The following SGCZ variants were observed in gnomAD, a reference collection of about 807,000 sequenced individuals.
The protein encoded by SGCZ is zeta-sarcoglycan.
SGCZ carries 40 observed loss-of-function variants against 41.3 expected under a neutral mutation model. The ratio of observed to expected loss-of-function variants is 0.97; its 90% CI spans 0.75 to 1.26. SGCZ has a LOEUF of 1.26. SGCZ is among the 50% of genes most tolerant of loss of function. The probability of loss-of-function intolerance (pLI) is 0.00; values close to 1 mark genes in which losing one functional copy is unlikely to be tolerated. For synonymous variants in SGCZ, 206 were observed against 137.5 expected, an observed-to-expected ratio of 1.50 and a Z score of -3.49; for missense variants, 552 against 369.8, an observed-to-expected ratio of 1.49 and a Z score of -4.04.
intron 1 of SGCZ, among the ~76,000 whole-genome samples, chr8:15,200,445 C>T (rs1200712887): frequency 1.3e-5 from 2 of 152,200 alleles, no homozygotes; most frequent in East Asian, 1.9e-4. Context: ...TAAAAGTAGA[C>T]GTGGCTGAGC....
chr8:14,692,305 T>C (rs1585186538), intron 1 of SGCZ, among the ~76,000 whole-genome samples: 1 of 152,050 alleles, frequency 6.6e-6, no homozygotes, highest in East Asian at 1.9e-4. Context: ...AGCATAATTA[T>C]AGATATTGTT....
intron 1 of SGCZ, among the ~76,000 whole-genome samples, chr8:15,138,236 C>T (rs1344873883): frequency 6.6e-6 from 1 of 152,168 alleles, no homozygotes; most frequent in Non-Finnish European, 1.5e-5. Context: ...GCCTGTACTT[C>T]CATTGTATCT....
intron 1 of SGCZ, among the ~76,000 whole-genome samples, chr8:14,640,505 A>G (rs1563172153): frequency 6.6e-6 from 1 of 151,618 alleles, no homozygotes; most frequent in Non-Finnish European, 1.5e-5. Context: ...TTCTTTTTTC[A>G]TCAGTTTCAC....
At chr8:14,443,003 T>C (rs935541216) in intron 2 of SGCZ, among the ~76,000 whole-genome samples, 2 of 152,124 alleles carry the variant, frequency 1.3e-5, no homozygotes, top group East Asian at 1.9e-4. Flanking sequence ...ACAAGCATTC[T>C]TATAAACCAA....
chr8:14,600,025 A>G lies in SGCZ; in HGVS notation c.40-45099T>C, dbSNP rs1012575384. On this transcript the variant is annotated intron_variant, in intron 1 of 7. Transcript: ENST00000382080. The stretch of plus-strand genomic sequence containing the variant: ...CAAACTTCATTCCTATGAGGTCTTT[A>G]TCCTCAGCAAGGAAGCAAAGCTATT... 2.0e-5 allele frequency among the ~76,000 whole-genome samples: 3 copies of G among 152,304 alleles called. No homozygotes were observed. In the East Asian group the frequency reaches 5.8e-4, roughly 29 times the overall value.
intron 1 of SGCZ, among the ~76,000 whole-genome samples, chr8:15,097,894 A>ATATATATATATACACGTGTGTG (rs1563124167): frequency 2.4e-5 from 3 of 123,850 alleles, no homozygotes; most frequent in African/African-American, 9.9e-5. Flanking sequence ...GTGTGTATAT[A>ATATATATATATACACGTGTGTG]TATATATATA....
intron 4 of SGCZ, among the ~76,000 whole-genome samples, chr8:14,202,691 T>G (rs989066554): frequency 7.9e-5 from 12 of 152,186 alleles, no homozygotes; most frequent in Non-Finnish European, 1.6e-4. Flanking sequence ...TTGGTAATTT[T>G]TAACATTAAT....
At chr8:15,104,047 C>T (rs1202606106) in intron 1 of SGCZ, among the ~76,000 whole-genome samples, 2 of 152,100 alleles carry the variant, frequency 1.3e-5, no homozygotes, top group Non-Finnish European at 2.9e-5. Flanking sequence ...TCTAGACAAC[C>T]ATATTTGATG....
intron 2 of SGCZ, among the ~76,000 whole-genome samples, chr8:14,439,516 C>A (rs1396075951): frequency 2.0e-5 from 3 of 151,582 alleles, no homozygotes; most frequent in African/African-American, 7.3e-5. Context: ...CTCATAAGTA[C>A]AGACCCAACA....
intron 1 of SGCZ, among the ~76,000 whole-genome samples, chr8:14,611,335 TG>T (rs1252806750): frequency 1.2e-4 from 1 of 8,306 alleles, no homozygotes; most frequent in Non-Finnish European, 4.9e-4. Flanking sequence ...TGGGTCTATG[TG>T]TGTGTGTGTG....
chr8:14,211,425 C>T (rs530273984), intron 4 of SGCZ, among the ~76,000 whole-genome samples: 56 of 152,218 alleles, frequency 3.7e-4, no homozygotes, highest in Middle Eastern at 3.4e-3. Flanking sequence ...GGACCTCAGG[C>T]GAGACATCTT....
rs183547076 is a variant in SGCZ at position 14,910,674 on chromosome 8, T to C, written c.39+326911A>G. Among the ~76,000 whole-genome samples, 381 of 152,050 alleles carry C rather than the reference T, an allele frequency of 2.5e-3. 1 individual carries two copies. The highest frequency in any genetic ancestry group is 4.0e-3 in the Non-Finnish European group (268 of 67,846). On this transcript the variant is annotated intron_variant, in intron 1 of 7. Transcript: ENST00000382080. Reference sequence around the variant, plus strand: ...AAACATCGGTAAAGTAAAAATAAAATGAGCTATTGATTCTTTTAAAGCACT... The same window carrying C: ...AAACATCGGTAAAGTAAAAATAAAACGAGCTATTGATTCTTTTAAAGCACT...
At chr8:14,831,499 G>A (rs1451129548) in intron 1 of SGCZ, among the ~76,000 whole-genome samples, 7 of 152,010 alleles carry the variant, frequency 4.6e-5, no homozygotes, top group African/African-American at 2.4e-5. Context: ...GATAGACATC[G>A]ACTTGAACTT....
chr8:14,292,412 G>C (rs867189677), intron 3 of SGCZ, among the ~76,000 whole-genome samples: 1 of 151,932 alleles, frequency 6.6e-6, no homozygotes, highest in Non-Finnish European at 1.5e-5. Flanking sequence ...TAAAATTTAA[G>C]AAAGTAAGAA....
At chr8:14,974,764 C>G (rs1456875659) in intron 1 of SGCZ, among the ~76,000 whole-genome samples, 1 of 151,700 alleles carries the variant, frequency 6.6e-6, no homozygotes, top group African/African-American at 2.4e-5. Context: ...GAACTATAGT[C>G]CATGATACTA....
At chr8:14,963,394 A>G (rs1381000204) in intron 1 of SGCZ, among the ~76,000 whole-genome samples, 2 of 150,608 alleles carry the variant, frequency 1.3e-5, no homozygotes, top group East Asian at 2.0e-4. Context: ...CCTGGAGTCC[A>G]GCGGCACAAT....
intron 1 of SGCZ, among the ~76,000 whole-genome samples, chr8:14,585,095 A>G (rs530739058): frequency 6.6e-6 from 1 of 152,264 alleles, no homozygotes; most frequent in Admixed American, 6.5e-5. Context: ...GAAAAGGTCA[A>G]TACTTAACTG....
chr8:14,970,714 G>A (rs1023304665), intron 1 of SGCZ, among the ~76,000 whole-genome samples: 4 of 152,008 alleles, frequency 2.6e-5, no homozygotes, highest in African/African-American at 7.2e-5. Flanking sequence ...AGCTTTATGA[G>A]TCTTGATATC....
intron 1 of SGCZ, among the ~76,000 whole-genome samples, chr8:14,622,838 T>C (rs1397840315): frequency 6.6e-6 from 1 of 152,224 alleles, no homozygotes; most frequent in African/African-American, 2.4e-5. Context: ...ATTCAAAATA[T>C]AGTTAGTTCA....
Sources: gnomAD v4.1 joint callset for allele counts (sites outside exome capture counted in the v4.1 genomes callset) on GRCh38, gnomAD v4.1.1 for gene constraint, MANE v1.5 for transcripts, NCBI Gene and HGNC (gene_info 2026-07-23, HGNC 2026-07-21) for gene names.